FTO: variants seen among roughly 807,000 people sequenced by gnomAD.
FTO encodes FTO alpha-ketoglutarate dependent dioxygenase.
FTO carries 47 observed loss-of-function variants against 63.9 expected under a neutral mutation model. The ratio of observed to expected loss-of-function variants is 0.74; its 90% CI spans 0.58 to 0.94. FTO has a LOEUF of 0.94. FTO is among the 40% of genes least tolerant of loss of function. The pLI is 0.00. For synonymous variants in FTO, 207 were observed against 224.4 expected, an observed-to-expected ratio of 0.92 and a Z score of 0.69; for missense variants, 562 against 618.1, an observed-to-expected ratio of 0.91 and a Z score of 0.96.
chr16:53,770,253 C>T (rs550564355), intron 1 of FTO, among the ~76,000 whole-genome samples: 12 of 152,226 alleles, frequency 7.9e-5, no homozygotes, highest in African/African-American at 2.9e-4. Flanking sequence ...AACGAACCTC[C>T]TTGCTTCTTT....
At chr16:53,825,080 A>T (rs958340938) in intron 2 of FTO, among the ~76,000 whole-genome samples, 1 of 152,226 alleles carries the variant, frequency 6.6e-6, no homozygotes, top group South Asian at 2.1e-4. Context: ...TCATTCATCC[A>T]TGCACAAATC....
At chr16:54,087,350 G>T (rs1041361616) in intron 8 of FTO, among the ~76,000 whole-genome samples, 1 of 152,186 alleles carries the variant, frequency 6.6e-6, no homozygotes, top group Non-Finnish European at 1.5e-5. Context: ...TATAGTAAAT[G>T]GTCCTTTACT....
At chr16:54,074,913 AGAGAGTGT>A (rs1243603387) in intron 8 of FTO, among the ~76,000 whole-genome samples, 55 of 125,162 alleles carry the variant, frequency 4.4e-4, no homozygotes, top group African/African-American at 1.2e-3. Context: ...AGAGAGAGAG[AGAGAGTGT>A]GTGTGTGTGT....
At chr16:53,743,207 A>C (rs2076568826) in intron 1 of FTO, among the ~76,000 whole-genome samples, 1 of 152,158 alleles carries the variant, frequency 6.6e-6, no homozygotes, top group Non-Finnish European at 1.5e-5. Flanking sequence ...TGGATTATAA[A>C]GTGATTTAAG....
chr16:53,792,087 A>T lies in FTO; in HGVS notation c.46-18053A>T, dbSNP rs55977197. Among the ~76,000 whole-genome samples, 23 of 138,172 alleles carry T rather than the reference A, an allele frequency of 1.7e-4. No homozygotes were observed. In the East Asian group the frequency reaches 1.7e-3, roughly 10 times the overall value. 90.6% of individuals were successfully genotyped at this position (138,172 alleles called of 152,430 possible). The stretch of plus-strand genomic sequence containing the variant: ...CGAGACTTCGTCTCAAAAAAAAAAA[A>T]AAAAAATAAAAATAAAAAAAATAAA... On this transcript the variant is annotated intron_variant, in intron 1 of 8. Coordinates refer to ENST00000471389, the MANE Select transcript of FTO (RefSeq NM_001080432.3).
chr16:54,073,827 A>C (rs574227839), intron 8 of FTO, among the ~76,000 whole-genome samples: 96 of 152,300 alleles, frequency 6.3e-4, no homozygotes, highest in Non-Finnish European at 1.3e-3. Flanking sequence ...AAGAATAAAA[A>C]TTTATAGAAT....
chr16:54,098,171 T>C (rs16953048), intron 8 of FTO, among the ~76,000 whole-genome samples: 23,290 of 152,206 alleles, frequency 0.15, 1,925 homozygotes, highest in Admixed American at 0.2. Context: ...GTTTAATTCA[T>C]CAGAAGACTG....
At chr16:54,084,783 C>T (rs369911292) in intron 8 of FTO, among the ~76,000 whole-genome samples, 2 of 152,178 alleles carry the variant, frequency 1.3e-5, no homozygotes, top group East Asian at 1.9e-4. Context: ...AGAGGCCGGG[C>T]GGGGAGGGCT....
At chr16:53,920,220 C>T (rs2081976969) in intron 7 of FTO, among the ~76,000 whole-genome samples, 1 of 152,112 alleles carries the variant, frequency 6.6e-6, no homozygotes, top group Non-Finnish European at 1.5e-5. Context: ...CCTGTGAGCT[C>T]TCTGAAGTAG....
intron 4 of FTO, among the ~76,000 whole-genome samples, chr16:53,863,457 A>G (rs1490809252): frequency 4.6e-5 from 7 of 152,200 alleles, no homozygotes; most frequent in African/African-American, 1.7e-4. Context: ...GAGATTTTAT[A>G]AATTGGAGTG....
At chr16:53,846,592 G>A (rs1421846713) in intron 4 of FTO, among the ~76,000 whole-genome samples, 1 of 152,050 alleles carries the variant, frequency 6.6e-6, no homozygotes, top group Admixed American at 6.6e-5. Context: ...CCTGAGGTCA[G>A]GAGTTCAAGA....
At chr16:53,779,674 T>C (rs564430414) in intron 1 of FTO, among the ~76,000 whole-genome samples, 1 of 152,366 alleles carries the variant, frequency 6.6e-6, no homozygotes, top group East Asian at 1.9e-4. Flanking sequence ...TGTGTAGTGG[T>C]AAAGTCTGGG....
At chr16:53,978,869 C>A (rs772382909) in intron 8 of FTO, among the ~76,000 whole-genome samples, 1 of 151,968 alleles carries the variant, frequency 6.6e-6, no homozygotes, top group Non-Finnish European at 1.5e-5. Context: ...TGGTGGCACA[C>A]GTGCCTGTAA....
chr16:53,960,054 T>C (rs1010429171), intron 8 of FTO, among the ~76,000 whole-genome samples: 9 of 152,118 alleles, frequency 5.9e-5, no homozygotes, highest in African/African-American at 2.2e-4. Flanking sequence ...GACTTGGGGA[T>C]TTTTGAACCT....
At chr16:53,737,181 T>C (rs1013776114) in intron 1 of FTO, among the ~76,000 whole-genome samples, 6 of 152,174 alleles carry the variant, frequency 3.9e-5, no homozygotes, top group Non-Finnish European at 7.3e-5. Flanking sequence ...CCTGAGAGTA[T>C]GTTTTTAATT....
At chr16:53,793,461 T>TA (rs950599803) in intron 1 of FTO, among the ~76,000 whole-genome samples, 2 of 152,108 alleles carry the variant, frequency 1.3e-5, no homozygotes, top group African/African-American at 2.4e-5. Context: ...TTTTATTTAT[T>TA]AAAAAAAATT....
chr16:54,082,208 C>T (rs1017485690), intron 8 of FTO, among the ~76,000 whole-genome samples: 4 of 152,192 alleles, frequency 2.6e-5, no homozygotes, highest in Non-Finnish European at 4.4e-5. Flanking sequence ...TGGTGTCACT[C>T]TCTCCAAACT....
chr16:53,812,479 G>A (rs1181062664), intron 2 of FTO, among the ~76,000 whole-genome samples: 2 of 152,028 alleles, frequency 1.3e-5, no homozygotes, highest in Non-Finnish European at 2.9e-5. Context: ...GTCCCAAAGT[G>A]CTAGGATTAC....
chr16:53,827,071 A>G (rs2079027372), intron 3 of FTO, among the ~76,000 whole-genome samples: 2 of 152,180 alleles, frequency 1.3e-5, no homozygotes, highest in African/African-American at 2.4e-5. Context: ...TTGTAAGCAG[A>G]CAGTCCTCTA....
Sources: allele counts gnomAD v4.1 joint callset (sites outside exome capture counted in the v4.1 genomes callset), GRCh38; gene constraint gnomAD v4.1.1; transcripts MANE v1.5; gene names NCBI Gene and HGNC (gene_info 2026-07-23, HGNC 2026-07-21).